Variants in NRG1 observed in about 807,000 individuals in gnomAD.
NRG1 encodes pro-neuregulin-1, membrane-bound isoform.
A neutral mutation model predicts 63.8 loss-of-function variants in NRG1; 18 were observed. The ratio of observed to expected loss-of-function variants is 0.28; its 90% CI spans 0.19 to 0.42. The LOEUF (loss-of-function observed/expected upper bound fraction) is 0.42, where lower values mean the gene tolerates loss of function less well. Among genes scored for constraint, NRG1 ranks in the 10% least tolerant of loss-of-function variants. The pLI is 1.00. For synonymous variants in NRG1, 302 were observed against 301.3 expected, an observed-to-expected ratio of 1.00 and a Z score of -0.02; for missense variants, 762 against 814.7, an observed-to-expected ratio of 0.94 and a Z score of 0.79.
chr8:32,263,887 G>A (rs922622719), intron 1 of NRG1, among the ~76,000 whole-genome samples: 1 of 152,192 alleles, frequency 6.6e-6, no homozygotes, highest in African/African-American at 2.4e-5. Context: ...TTCTGAGGCT[G>A]TGTCAACACA....
chr8:32,519,423 A>ATT (rs57992377), intron 1 of NRG1, among the ~76,000 whole-genome samples: 1 of 149,084 alleles, frequency 6.7e-6, no homozygotes, highest in African/African-American at 2.5e-5. Flanking sequence ...CGTATAACTG[A>ATT]TTTTTTTTTT....
At chr8:32,591,124 C>T (rs1028102253) in intron 1 of NRG1, among the ~76,000 whole-genome samples, 4 of 152,068 alleles carry the variant, frequency 2.6e-5, no homozygotes, top group East Asian at 1.9e-4. Context: ...TCTTCACTTA[C>T]GCTATGGAGG....
chr8:31,894,099 T>A (rs945758763), intron 1 of NRG1, among the ~76,000 whole-genome samples: 2 of 152,120 alleles, frequency 1.3e-5, no homozygotes, highest in African/African-American at 2.4e-5. Context: ...CAGATTCTGA[T>A]ATAGATAAAC....
At chr8:32,601,602 C>T (rs1030171561) in intron 2 of NRG1, among the ~76,000 whole-genome samples, 2 of 152,104 alleles carry the variant, frequency 1.3e-5, no homozygotes, top group African/African-American at 4.8e-5. Context: ...AATAGCTACT[C>T]ATATTTCATT....
intron 1 of NRG1, among the ~76,000 whole-genome samples, chr8:32,340,827 A>C (rs1160255864): frequency 1.3e-5 from 2 of 152,202 alleles, no homozygotes; most frequent in Non-Finnish European, 2.9e-5. Context: ...CAATGGGCCA[A>C]ATCTTACATG....
chr8:31,808,163 C>T (rs938437514), intron 1 of NRG1, among the ~76,000 whole-genome samples: 16 of 151,774 alleles, frequency 1.1e-4, no homozygotes, highest in African/African-American at 3.4e-4. Flanking sequence ...GCTATTCTTT[C>T]ATGATTAAAA....
chr8:32,383,694 G>C (rs924354709), intron 1 of NRG1, among the ~76,000 whole-genome samples: 1 of 152,122 alleles, frequency 6.6e-6, no homozygotes, highest in African/African-American at 2.4e-5. Flanking sequence ...GCCACCTTAC[G>C]TTTCACTCAG....
intron 1 of NRG1, among the ~76,000 whole-genome samples, chr8:32,571,509 C>T (rs1440952202): frequency 6.6e-6 from 1 of 152,108 alleles, no homozygotes; most frequent in Non-Finnish European, 1.5e-5. Context: ...GGTCCTGTCT[C>T]TTCCCACCTC....
chr8:32,096,921 T>A (rs1015385019), intron 1 of NRG1, among the ~76,000 whole-genome samples: 2 of 152,244 alleles, frequency 1.3e-5, no homozygotes, highest in African/African-American at 4.8e-5. Flanking sequence ...TCGAATGTGC[T>A]GTTGCACACT....
At chr8:32,393,824 AC>A (rs1199116368) in intron 1 of NRG1, among the ~76,000 whole-genome samples, 1 of 152,026 alleles carries the variant, frequency 6.6e-6, no homozygotes, top group Non-Finnish European at 1.5e-5. Flanking sequence ...TGTACAACAA[AC>A]CCCCATGGCA....
intron 1 of NRG1, among the ~76,000 whole-genome samples, chr8:31,859,299 A>G (rs1444019896): frequency 1.3e-5 from 2 of 152,192 alleles, no homozygotes; most frequent in East Asian, 1.9e-4. Context: ...AGCCTTACTA[A>G]CATTCCATCT....
At chr8:31,917,793 G>A (rs538759891) in intron 1 of NRG1, among the ~76,000 whole-genome samples, 1 of 152,096 alleles carries the variant, frequency 6.6e-6, no homozygotes, top group Admixed American at 6.5e-5. Flanking sequence ...AAATTACCTT[G>A]GGCAGTATGG....
At chr8:32,144,676 T>TC (rs2131765782) in intron 1 of NRG1, among the ~76,000 whole-genome samples, 1 of 152,316 alleles carries the variant, frequency 6.6e-6, no homozygotes, top group Admixed American at 6.5e-5. Flanking sequence ...TATTTTGGTC[T>TC]CGGTTTTCCT....
intron 1 of NRG1, among the ~76,000 whole-genome samples, chr8:31,743,561 T>TGTGTGTGTGTGTGG (rs559824890): frequency 5.8e-5 from 8 of 139,114 alleles, no homozygotes; most frequent in Admixed American, 6.9e-5. Flanking sequence ...TTGTTTAATA[T>TGTGTGTGTGTGTGG]GTGTGTGTGT....
At chr8:32,297,881 G>T (rs59477596) in intron 1 of NRG1, among the ~76,000 whole-genome samples, 7,564 of 152,218 alleles carry the variant, frequency 0.05, 556 homozygotes, top group African/African-American at 0.16. Context: ...TTATTATTTT[G>T]CAGTGAAAAA....
chr8:31,932,119 T>G (rs1834919009), intron 1 of NRG1, among the ~76,000 whole-genome samples: 1 of 151,546 alleles, frequency 6.6e-6, no homozygotes, highest in Admixed American at 6.6e-5. Flanking sequence ...TTGCCTACTT[T>G]AAGGGAAGGT....
chr8:32,314,352 A>G (rs1857139603), intron 1 of NRG1, among the ~76,000 whole-genome samples: 1 of 152,192 alleles, frequency 6.6e-6, no homozygotes. Flanking sequence ...GGATGTCTAA[A>G]GCTTTTTTAC....
At chr8:32,684,254 G>T (rs551572305) in intron 5 of NRG1, among the ~76,000 whole-genome samples, 2 of 152,238 alleles carry the variant, frequency 1.3e-5, no homozygotes, top group Admixed American at 1.3e-4. Context: ...AAAAAATTTT[G>T]TCAGGCTTAT....
chr8:32,448,483 T>TA (rs1820547874), intron 1 of NRG1, among the ~76,000 whole-genome samples: 1 of 152,222 alleles, frequency 6.6e-6, no homozygotes, highest in Non-Finnish European at 1.5e-5. Context: ...GGATTGGAAT[T>TA]ACTCTTTTAG....
Sources: allele counts gnomAD v4.1 joint callset (sites outside exome capture counted in the v4.1 genomes callset), GRCh38; gene constraint gnomAD v4.1.1; transcripts MANE v1.5; gene names NCBI Gene and HGNC (gene_info 2026-07-23, HGNC 2026-07-21).